Variants in DSCAML1 observed in about 807,000 individuals in gnomAD.
DSCAML1 encodes DS cell adhesion molecule like 1.
DSCAML1 carries 38 observed loss-of-function variants against 200.5 expected under a neutral mutation model. The observed-to-expected ratio is 0.19, with a 90% CI of 0.15 to 0.25. The LOEUF is 0.25. DSCAML1 is among the 10% of genes least tolerant of loss of function. The pLI, the probability that DSCAML1 is intolerant of heterozygous loss-of-function variation, is 1.00. For missense variants in DSCAML1, 2,223 were observed against 2,858.8 expected (o/e 0.78, Z 5.07); for synonymous variants, 1,215 against 1,165.0 (o/e 1.04, Z -0.87).
chr11:117,515,620 T>TTTTTTTTTTTTTTG (rs2049747096), intron 8 of DSCAML1, among the ~76,000 whole-genome samples: 1 of 102,190 alleles, frequency 9.8e-6, no homozygotes, highest in Non-Finnish European at 2.3e-5. Context: ...CTTTTTTTTT[T>TTTTTTTTTTTTTTG]TTTTTTTTTT....
chr11:117,705,304 C>A (rs866298549), intron 3 of DSCAML1, among the ~76,000 whole-genome samples: 8 of 152,206 alleles, frequency 5.3e-5, no homozygotes, highest in African/African-American at 1.9e-4. Context: ...TTGGACAAGC[C>A]TAACTGAAAG....
chr11:117,467,865 G>A (rs1478564724), intron 16 of DSCAML1, among the ~76,000 whole-genome samples: 1 of 152,028 alleles, frequency 6.6e-6, no homozygotes, highest in Non-Finnish European at 1.5e-5. Flanking sequence ...CTTCATGTAC[G>A]TGTATCTATA....
At chr11:117,431,439 GC>G in intron 31 of DSCAML1, 94 bp downstream of exon 31, 1 of 1,210,378 alleles carries the variant, frequency 8.3e-7, no homozygotes, top group Non-Finnish European at 1.1e-6. Flanking sequence ...GGCCCCATGA[GC>G]TGGTGGGTAG....
At position 117,518,568 on chromosome 11, in the gene DSCAML1, T is replaced by C. The variant is rs773254779; in HGVS notation, c.1408A>G (p.Met470Val). The C allele has an allele frequency of 1.2e-5, 19 of 1,614,044 alleles. No individual in the cohort carries two copies. Among genetic ancestry groups the C allele is most frequent in the Non-Finnish European group, 1.6e-5 (19 of 1,180,036 alleles). ...CGGATCTGGGGGCCTGTGACGTTCA[T>C]GTGGCTGATGGTGGTGCCGTCCGAC... ...TMSDGTTISH[M>V]NVTGPQIRDG... is the part of the protein sequence containing the mutation. Residue 470 changes from methionine (M) to valine (V), a missense_variant, in exon 7 of 33, where the codon ATG becomes GTG. Around this residue, in one of 7 missense-constraint regions of DSCAML1, gnomAD observed 579 missense variants for 721.5 expected, o/e 0.80. Coordinates refer to ENST00000651296, the MANE Select transcript of DSCAML1 (RefSeq NM_020693.4). The surrounding 1 kb of genome is among the most constrained non-coding windows in gnomAD (Gnocchi z 6.3).
At chr11:117,475,088 C>T (rs1184306359) in intron 14 of DSCAML1, among the ~76,000 whole-genome samples, 7 of 152,140 alleles carry the variant, frequency 4.6e-5, no homozygotes, top group African/African-American at 1.7e-4. Flanking sequence ...CGCTTCCCTC[C>T]ATCCCCATCT....
chr11:117,669,983 T>G (rs923863375), intron 3 of DSCAML1, among the ~76,000 whole-genome samples: 5 of 152,240 alleles, frequency 3.3e-5, no homozygotes, highest in African/African-American at 1.2e-4. Flanking sequence ...AAGCCTGTGA[T>G]TCTAGATCCT....
intron 3 of DSCAML1, among the ~76,000 whole-genome samples, chr11:117,652,306 C>G (rs774168505): frequency 6.6e-6 from 1 of 152,252 alleles, no homozygotes; most frequent in African/African-American, 2.4e-5. Context: ...ACCTGGGCTA[C>G]GCATGTGATG....
At chr11:117,589,634 A>T (rs950108130) in intron 3 of DSCAML1, among the ~76,000 whole-genome samples, 3 of 152,262 alleles carry the variant, frequency 2.0e-5, no homozygotes, top group Non-Finnish European at 2.9e-5. Context: ...AACCTGCAGC[A>T]TTAAGAACTA....
chr11:117,448,485 C>G (rs80036497), intron 20 of DSCAML1, among the ~76,000 whole-genome samples: 7 of 152,294 alleles, frequency 4.6e-5, no homozygotes, highest in Non-Finnish European at 8.8e-5. Flanking sequence ...TGAACAGTGA[C>G]TGCCTTCAAA....
At chr11:117,528,926 C>A (rs1397422503) in intron 4 of DSCAML1, among the ~76,000 whole-genome samples, 1 of 136,938 alleles carries the variant, frequency 7.3e-6, no homozygotes, top group African/African-American at 2.8e-5. Context: ...AAAGTTGCCG[C>A]CCCCCGCCCC....
At chr11:117,476,454 C>G (rs959281296) in intron 14 of DSCAML1, among the ~76,000 whole-genome samples, 1 of 152,226 alleles carries the variant, frequency 6.6e-6, no homozygotes, top group Non-Finnish European at 1.5e-5. Flanking sequence ...CTCACGACAT[C>G]TCAACACCAG....
Position 117,780,269 on chromosome 11 carries a change from A to AAAGG in DSCAML1, c.364+223_364+224insCCTT, listed in dbSNP as rs1491122137. Among the ~76,000 whole-genome samples, 36 of 94,828 alleles carry AAAGG rather than the reference A, an allele frequency of 3.8e-4. 1 individual carries two copies. Among genetic ancestry groups the AAAGG allele is most frequent in the Non-Finnish European group, 8.4e-4 (33 of 39,498 alleles). 62.2% of individuals were successfully genotyped at this position (94,828 alleles called of 152,430 possible). ...GAAAGAAAGAAAGAAAGAAAGAAAG[A>AAAGG]AAGAAAGAAAGAAAGAAAGAAAGAA... On this transcript the variant is annotated intron_variant, in intron 2 of 32. Transcript: ENST00000651296. The surrounding 1 kb of genome is among the most constrained non-coding windows in gnomAD (Gnocchi z 4.8).
intron 3 of DSCAML1, among the ~76,000 whole-genome samples, chr11:117,634,316 G>A (rs193212721): frequency 4.9e-4 from 75 of 152,334 alleles, no homozygotes; most frequent in Middle Eastern, 3.4e-3. Flanking sequence ...GAAGACTCGA[G>A]TTCTGGCCTG....
chr11:117,702,915 T>C (rs780732276), intron 3 of DSCAML1, among the ~76,000 whole-genome samples: 2 of 152,208 alleles, frequency 1.3e-5, no homozygotes, highest in Admixed American at 6.5e-5. Context: ...CTGAATCCTA[T>C]TGTAAAATAG....
intron 8 of DSCAML1, among the ~76,000 whole-genome samples, chr11:117,512,637 C>CAT (rs1555179258): frequency 1.1e-4 from 16 of 140,448 alleles, no homozygotes; most frequent in African/African-American, 4.2e-4. Context: ...TGCATGCAAG[C>CAT]GTGTGTACAC....
At chr11:117,451,156 C>G (rs2048274893) in intron 19 of DSCAML1, among the ~76,000 whole-genome samples, 2 of 152,194 alleles carry the variant, frequency 1.3e-5, no homozygotes, top group African/African-American at 4.8e-5. Context: ...CAGGGCATTG[C>G]CCTTGGAGTG....
intron 5 of DSCAML1, among the ~76,000 whole-genome samples, chr11:117,521,818 T>G (rs750878857): frequency 6.6e-6 from 1 of 152,158 alleles, no homozygotes; most frequent in Non-Finnish European, 1.5e-5. Context: ...AGATAACACA[T>G]TGCTATGTGC....
intron 3 of DSCAML1, among the ~76,000 whole-genome samples, chr11:117,761,368 G>C (rs142407813): frequency 1.9e-3 from 292 of 152,318 alleles, no homozygotes; most frequent in African/African-American, 6.7e-3. Context: ...CCTGCCTTTT[G>C]TGTTCCTCCC....
chr11:117,643,757 C>G (rs2052461541), intron 3 of DSCAML1, among the ~76,000 whole-genome samples: 1 of 152,158 alleles, frequency 6.6e-6, no homozygotes, highest in Non-Finnish European at 1.5e-5. Flanking sequence ...CCTCTCGCCA[C>G]CAGCACTTAT....
Sources: allele counts gnomAD v4.1 joint callset (sites outside exome capture counted in the v4.1 genomes callset), GRCh38; gene constraint gnomAD v4.1.1; regional missense constraint gnomAD v4.1.1; non-coding constraint Gnocchi (gnomAD v3.1); transcripts MANE v1.5; gene names NCBI Gene and HGNC (gene_info 2026-07-23, HGNC 2026-07-21).